The following PTK7 variants were observed in gnomAD, a reference collection of about 807,000 sequenced individuals.
PTK7 encodes the protein protein tyrosine kinase 7 (inactive).
Under a neutral mutation model 116.6 loss-of-function variants are expected in PTK7, and 39 were observed. The observed-to-expected ratio is 0.33, with a 90% CI of 0.26 to 0.44. The LOEUF (loss-of-function observed/expected upper bound fraction) is 0.44, where lower values mean the gene tolerates loss of function less well. Among genes scored for constraint, PTK7 ranks in the 20% least tolerant of loss-of-function variants. The probability of loss-of-function intolerance (pLI) is 1.00; values close to 1 mark genes in which losing one functional copy is unlikely to be tolerated. For missense variants in PTK7, 1,169 were observed against 1,425.6 expected, an observed-to-expected ratio of 0.82 and a Z score of 2.90; for synonymous variants, 546 against 563.6, an observed-to-expected ratio of 0.97 and a Z score of 0.44.
At chr6:43,110,764 A>C (rs2150402251) in intron 1 of PTK7, among the ~76,000 whole-genome samples, 1 of 152,306 alleles carries the variant, frequency 6.6e-6, no homozygotes, top group South Asian at 2.1e-4. Flanking sequence ...CAAGGCCAGC[A>C]ACCCCTCTTC....
chr6:43,119,659 C>G (rs1009280945), intron 1 of PTK7, among the ~76,000 whole-genome samples: 7 of 152,230 alleles, frequency 4.6e-5, no homozygotes, highest in African/African-American at 1.7e-4. Context: ...CTGAGCACCA[C>G]AGAGGTCTTC....
Position 43,076,493 on chromosome 6 carries a change from G to C in PTK7, c.5G>C (p.Gly2Ala). 6.4e-7 allele frequency: 1 copy of C among 1,569,222 alleles called. No individual in the cohort carries two copies. Among genetic ancestry groups the C allele is most frequent in the Non-Finnish European group, 8.6e-7 (1 of 1,163,152 alleles). ...CCTTTTCCTGAGCCCGCCGCGATGG[G>C]AGCTGCGCGGGGATCCCCGGCCAGA... M[G>A]AARGSPARPR... The change falls in exon 1 of 20, where the codon GGA becomes GCA. Residue 2 changes from glycine (G) to alanine (A), a missense_variant. Physicochemically the swap from Gly to Ala is moderately conservative, Grantham distance 60. Transcript: ENST00000230419. The surrounding 1 kb of genome is among the most constrained non-coding windows in gnomAD (Gnocchi z 5.7).
intron 1 of PTK7, among the ~76,000 whole-genome samples, chr6:43,098,771 G>A (rs1384448120): frequency 1.7e-5 from 2 of 117,154 alleles, no homozygotes; most frequent in Admixed American, 8.1e-5. Flanking sequence ...TTACAACAAA[G>A]GAAGCATTAT....
In PTK7 at chr6:43,145,085, G is replaced by A. The variant is rs770201921; in HGVS notation, c.2408-115G>A. On this transcript the variant is annotated intron_variant, in intron 15 of 19. Coordinates refer to ENST00000230419, the MANE Select transcript of PTK7 (RefSeq NM_002821.5). The surrounding 1 kb of genome is among the most constrained non-coding windows in gnomAD (Gnocchi z 4.8). ...GGGGGTCACAGCAGAACCGGGTCTC[G>A]TGCCCAGCCCAGGTGGGTGGGTCCC... The A allele has an allele frequency of 1.5e-4, 128 of 879,914 alleles. No individual in the cohort carries two copies. Among genetic ancestry groups the A allele is most frequent in the Non-Finnish European group, 2.1e-4 (123 of 581,806 alleles). 54.5% of individuals were successfully genotyped at this position (879,914 alleles called of 1,614,324 possible).
intron 1 of PTK7, among the ~76,000 whole-genome samples, chr6:43,103,471 G>T (rs1194109381): frequency 2.0e-5 from 3 of 152,004 alleles, no homozygotes; most frequent in Admixed American, 2.0e-4. Context: ...GTGTGTGTGT[G>T]TGTGTGTAGC....
chr6:43,129,804 C>T lies in PTK7; in HGVS notation c.445C>T (p.Arg149Cys), dbSNP rs745721306. The change falls in exon 3 of 20, where the codon CGT becomes TGT. Residue 149 changes from arginine to cysteine, a missense_variant. Arg to Cys is a radical substitution (Grantham distance 180, BLOSUM62 -3). Coordinates refer to ENST00000230419, the MANE Select transcript of PTK7 (RefSeq NM_002821.5). The surrounding 1 kb of genome is among the most constrained non-coding windows in gnomAD (Gnocchi z 4.5). Reference protein sequence around the residue: ...EIQPQTQVTLRCHIDGHPRPT... With the variant: ...EIQPQTQVTLCCHIDGHPRPT... ...CCAGCCACAGACCCAGGTCACACTT[C>T]GTTGCCACATTGATGGGCACCCTCG... 2.9e-5 allele frequency: 47 copies of T among 1,614,062 alleles called. No homozygotes were observed. Among genetic ancestry groups the T allele is most frequent in the Non-Finnish European group, 3.4e-5 (40 of 1,180,040 alleles).
intron 1 of PTK7, among the ~76,000 whole-genome samples, chr6:43,090,279 A>G (rs1179902567): frequency 1.3e-5 from 2 of 152,206 alleles, no homozygotes; most frequent in African/African-American, 4.8e-5. Flanking sequence ...TACTTCTCCC[A>G]ATAGCCCCAC....
At chr6:43,149,875 G>C (rs1770968250) in intron 17 of PTK7, among the ~76,000 whole-genome samples, 1 of 152,158 alleles carries the variant, frequency 6.6e-6, no homozygotes, top group African/African-American at 2.4e-5. Context: ...TTGAACTTAA[G>C]TATTCTAGGG....
Position 43,139,338 on chromosome 6 carries a change from C to A in PTK7, c.1498+67C>A. 2 of 1,613,960 alleles carry A rather than the reference C, an allele frequency of 1.2e-6. No individual in the cohort carries two copies. Among genetic ancestry groups the A allele is most frequent in the Admixed American group, 3.3e-5 (2 of 60,026 alleles). ...CAGGAGAGGAAAGGGGAGGGAGCAG[C>A]AGGCCTGGCCACGGCCTCTCCAGCG... On this transcript the variant is annotated intron_variant, in intron 9 of 19. Transcript: ENST00000230419. The surrounding 1 kb of genome is among the most constrained non-coding windows in gnomAD (Gnocchi z 4.6).
intron 1 of PTK7, among the ~76,000 whole-genome samples, chr6:43,123,812 C>T (rs1769114621): frequency 6.6e-6 from 1 of 152,200 alleles, no homozygotes; most frequent in Non-Finnish European, 1.5e-5. Context: ...CCCGGTACGG[C>T]AGGCTCATAC....
At chr6:43,102,597 C>CACCAAAAAAAA (rs1214111147) in intron 1 of PTK7, among the ~76,000 whole-genome samples, 1 of 149,712 alleles carries the variant, frequency 6.7e-6, no homozygotes, top group Non-Finnish European at 1.5e-5. Context: ...CCCCCTACCC[C>CACCAAAAAAAA]ACCAAAAAAA....
At chr6:43,084,015 A>G (rs1269597316) in intron 1 of PTK7, among the ~76,000 whole-genome samples, 1 of 152,206 alleles carries the variant, frequency 6.6e-6, no homozygotes, top group Non-Finnish European at 1.5e-5. Flanking sequence ...GCCCATCAGA[A>G]TTATTGAGGG....
chr6:43,116,084 CTTTG>C (rs1019583064), intron 1 of PTK7, among the ~76,000 whole-genome samples: 52 of 152,212 alleles, frequency 3.4e-4, no homozygotes, highest in Admixed American at 3.3e-3. Context: ...GGAGCCTTCT[CTTTG>C]TTTGTATCCC....
In PTK7 at chr6:43,113,572, G is replaced by T. The variant is rs545783942; in HGVS notation, c.80-15405G>T. ...AGCTGGGGGTATGTGCCTGCCTTTG[G>T]GATCTCACAGTCAGAGCCCGGGCCT... On this transcript the variant is annotated intron_variant, in intron 1 of 19. Coordinates refer to ENST00000230419, the MANE Select transcript of PTK7 (RefSeq NM_002821.5). 5.3e-5 allele frequency among the ~76,000 whole-genome samples: 8 copies of T among 152,284 alleles called. No homozygotes were observed. The South Asian group carries it at 1.7e-3, about 32-fold the overall frequency.
intron 13 of PTK7, chr6:43,142,721 T>G (rs1770495715): frequency 4.1e-6 from 1 of 241,924 alleles, no homozygotes; most frequent in Non-Finnish European, 8.3e-6. Context: ...GGGAGACTTA[T>G]TTCTCCTCTG....
intron 17 of PTK7, among the ~76,000 whole-genome samples, chr6:43,154,829 G>A (rs961116202): frequency 5.9e-5 from 9 of 152,254 alleles, no homozygotes; most frequent in Non-Finnish European, 1.3e-4. Flanking sequence ...TCAGTAGCCA[G>A]CAGCCCAACC....
In PTK7 at chr6:43,160,791, G is replaced by A. The variant is rs1242937263; in HGVS notation, c.3123G>A (p.Gln1041=). Residue 1041 remains glutamine, a synonymous_variant, in exon 20 of 20, where the codon CAG becomes CAA. Transcript: ENST00000230419. Reference sequence around the variant, plus strand: ...CTTCCAAACTCTATCGGCTGATGCAGCGCTGCTGGGCCCTCAGCCCCAAGG... The same window carrying A: ...CTTCCAAACTCTATCGGCTGATGCAACGCTGCTGGGCCCTCAGCCCCAAGG... ...GCPSKLYRLM[Q]RCWALSPKDR... 6.2e-7 allele frequency: 1 copy of A among 1,614,102 alleles called. No homozygotes were observed. The highest frequency in any genetic ancestry group is 1.3e-5 in the African/African-American group (1 of 74,948).
chr6:43,096,961 C>T (rs1337557594), intron 1 of PTK7, among the ~76,000 whole-genome samples: 2 of 152,234 alleles, frequency 1.3e-5, no homozygotes, highest in South Asian at 2.1e-4. Flanking sequence ...TTCTTGGGGC[C>T]GTGGAGAGCA....
chr6:43,103,392 T>A (rs577719156), intron 1 of PTK7, among the ~76,000 whole-genome samples: 2 of 152,240 alleles, frequency 1.3e-5, no homozygotes, highest in Admixed American at 6.6e-5. Context: ...AGTGGATAAA[T>A]GTCTTATTCA....
Sources: gnomAD v4.1 joint callset for allele counts (sites outside exome capture counted in the v4.1 genomes callset) on GRCh38, gnomAD v4.1.1 for gene constraint, Gnocchi (gnomAD v3.1) non-coding constraint, MANE v1.5 for transcripts, NCBI Gene and HGNC (gene_info 2026-07-23, HGNC 2026-07-21) for gene names.